Variants in TUB observed in about 807,000 individuals in gnomAD.
TUB encodes TUB bipartite transcription factor, also known as tubby protein homolog.
TUB carries 33 observed loss-of-function variants against 59.7 expected under a neutral mutation model. The observed-to-expected ratio is 0.55, with a 90% CI of 0.42 to 0.74. The LOEUF is 0.74. Ranked by LOEUF, TUB falls within the 30% of genes least tolerant of loss-of-function variation. The probability of loss-of-function intolerance (pLI) is 0.00; values close to 1 mark genes in which losing one functional copy is unlikely to be tolerated. For missense variants in TUB, 659 were observed against 672.0 expected (o/e 0.98, Z 0.21); for synonymous variants, 293 against 256.4 (o/e 1.14, Z -1.36).
At chr11:8,058,500 A>G (rs1404437833) in intron 2 of TUB, among the ~76,000 whole-genome samples, 1 of 152,174 alleles carries the variant, frequency 6.6e-6, no homozygotes, top group Non-Finnish European at 1.5e-5. Flanking sequence ...TGTTTTGTTG[A>G]TTGTCTAGAC....
chr11:8,051,043 C>A (rs1399667197), intron 2 of TUB, among the ~76,000 whole-genome samples: 2 of 152,064 alleles, frequency 1.3e-5, no homozygotes, highest in Admixed American at 1.3e-4. Context: ...GGAGGGGAGC[C>A]CGGGGAGTGG....
chr11:8,094,699 A>G (rs967380786), intron 4 of TUB, among the ~76,000 whole-genome samples: 7 of 152,198 alleles, frequency 4.6e-5, no homozygotes, highest in African/African-American at 1.7e-4. Flanking sequence ...CTTTCTCCAG[A>G]AAAGACCCCT....
At chr11:8,056,158 C>T (rs1420270968) in intron 2 of TUB, among the ~76,000 whole-genome samples, 2 of 152,232 alleles carry the variant, frequency 1.3e-5, no homozygotes, top group Non-Finnish European at 2.9e-5. Flanking sequence ...GTCCTCCCTG[C>T]ACCTCAAGCC....
At chr11:8,093,165 C>T (rs1296930951) in intron 3 of TUB, among the ~76,000 whole-genome samples, 7 of 151,846 alleles carry the variant, frequency 4.6e-5, no homozygotes, top group East Asian at 2.0e-4. Context: ...CCTGCTCTGA[C>T]GAGGGAGGCA....
intron 2 of TUB, among the ~76,000 whole-genome samples, chr11:8,046,334 A>G (rs964207152): frequency 1.3e-5 from 2 of 152,280 alleles, no homozygotes; most frequent in African/African-American, 4.8e-5. Context: ...TTGTGACTGA[A>G]GGCAGAAGTC....
chr11:8,026,375 G>A (rs1451997008), intron 1 of TUB, among the ~76,000 whole-genome samples: 1 of 151,472 alleles, frequency 6.6e-6, no homozygotes, highest in Non-Finnish European at 1.5e-5. Context: ...CTACTTTGCG[G>A]TGACAAAGGT....
At chr11:8,082,866 G>C (rs950076083) in intron 1 of TUB, among the ~76,000 whole-genome samples, 3 of 152,184 alleles carry the variant, frequency 2.0e-5, no homozygotes, top group Non-Finnish European at 4.4e-5. Flanking sequence ...GGGGTTTCCA[G>C]GTTATTTTGT....
chr11:8,101,847 T>A lies in TUB; in HGVS notation c.*228T>A. The A allele has an allele frequency of 5.9e-6, 3 of 507,018 alleles. No homozygotes were observed. The highest frequency in any genetic ancestry group is 3.3e-5 in the South Asian group (1 of 30,170). 31.4% of individuals were successfully genotyped at this position (507,018 alleles called of 1,614,324 possible). ...GTGGGTGTGAAGGGATGAGAATAAT[T>A]CTTTCCATGCCACGAGATCAACACA... is the stretch of plus-strand genomic sequence containing the variant. On this transcript the variant is annotated 3_prime_UTR_variant, in exon 12 of 12. Transcript: ENST00000299506.
At chr11:8,038,811 C>T in exon 1 of TUB, 1 of 1,580,288 alleles carries the variant, frequency 6.3e-7, no homozygotes, top group Non-Finnish European at 8.6e-7. Context: ...CAACAGGCTC[C>T]AGGTCTTACT....
chr11:8,026,473 T>TAAA (rs35114711), intron 1 of TUB, among the ~76,000 whole-genome samples: 2,174 of 148,532 alleles, frequency 0.015, 33 homozygotes, highest in Middle Eastern at 0.041. Flanking sequence ...TGAGATTCAT[T>TAAA]AAAAAAAAAA....
intron 6 of TUB, 34 bp from the exon 7 acceptor site, chr11:8,097,194 T>C (rs376852043): frequency 1.5e-5 from 24 of 1,612,288 alleles, no homozygotes; most frequent in Middle Eastern, 1.9e-4. Context: ...CTTAGGGTCC[T>C]TGGGGCTCAG....
At position 8,081,330 on chromosome 11, in the gene TUB, G is replaced by A; in HGVS notation, c.-181G>A. On this transcript the variant is annotated 5_prime_UTR_variant, in exon 1 of 12. Coordinates refer to ENST00000299506, the MANE Select transcript of TUB (RefSeq NM_177972.3). ...CATCTCGCCTCGCCGCGCCGCGCAGGCAGCCGCTCGCAGAGCCAGCAGCCG... is the reference window on the plus strand; with the variant it reads ...CATCTCGCCTCGCCGCGCCGCGCAGACAGCCGCTCGCAGAGCCAGCAGCCG... The A allele has an allele frequency of 4.1e-6, 4 of 977,158 alleles. No homozygotes were observed. Among genetic ancestry groups the A allele is most frequent in the Non-Finnish European group, 4.9e-6 (4 of 822,900 alleles). 60.5% of individuals were successfully genotyped at this position (977,158 alleles called of 1,614,324 possible). A position where few individuals can be genotyped will look rare whatever the true frequency, so the allele number is the denominator to read the frequency against.
chr11:8,047,551 G>A (rs1339729931), intron 2 of TUB, among the ~76,000 whole-genome samples: 2 of 152,188 alleles, frequency 1.3e-5, no homozygotes, highest in East Asian at 1.9e-4. Context: ...AGATGCCCTC[G>A]AGTGGCCTGG....
upstream of TUB, among the ~76,000 whole-genome samples, chr11:8,036,523 GT>G (rs1251949930): frequency 1.3e-5 from 2 of 152,244 alleles, no homozygotes; most frequent in African/African-American, 4.8e-5. Context: ...GTCATGTTCT[GT>G]GGGGCCATGG....
chr11:8,079,947 T>C (rs1486031720), upstream of TUB, among the ~76,000 whole-genome samples: 1 of 152,170 alleles, frequency 6.6e-6, no homozygotes, highest in Non-Finnish European at 1.5e-5. Flanking sequence ...AATATGTACG[T>C]AGCACCTAAC....
intron 1 of TUB, among the ~76,000 whole-genome samples, chr11:8,020,715 C>G (rs1467982895): frequency 6.6e-6 from 1 of 152,222 alleles, no homozygotes; most frequent in Non-Finnish European, 1.5e-5. Context: ...CTGTCCACCT[C>G]ATGATTCCAG....
rs371568883 is a variant in TUB at position 8,020,987 on chromosome 11, A to G, written c.56+1629A>G. Among the ~76,000 whole-genome samples the G allele has an allele frequency of 2.7e-4, 41 of 152,342 alleles. No homozygotes were observed. In the South Asian group the frequency reaches 8.1e-3, roughly 30 times the overall value. On this transcript the variant is annotated intron_variant, in intron 1 of 11. Transcript: ENST00000534099. ...ATAAGCAGTGACATATTCTGGGAGA[A>G]AAACTTAAAGTTGAGCTAATTCCAT... is the stretch of plus-strand genomic sequence containing the variant.
chr11:8,074,962 C>G (rs1564911586), intron 2 of TUB, among the ~76,000 whole-genome samples: 1 of 151,888 alleles, frequency 6.6e-6, no homozygotes, highest in South Asian at 2.1e-4. Flanking sequence ...CCAGGCTGCT[C>G]TTGAACTCCT....
At chr11:8,059,623 G>A (rs897287259) in intron 2 of TUB, among the ~76,000 whole-genome samples, 2 of 152,088 alleles carry the variant, frequency 1.3e-5, no homozygotes, top group East Asian at 1.9e-4. Flanking sequence ...GAAGTTCTGC[G>A]GGGAGATCTG....
Sources: allele counts gnomAD v4.1 joint callset (sites outside exome capture counted in the v4.1 genomes callset), GRCh38; gene constraint gnomAD v4.1.1; transcripts MANE v1.5; gene names NCBI Gene and HGNC (gene_info 2026-07-23, HGNC 2026-07-21).